Variants in ZNF69 observed in about 807,000 individuals in gnomAD.
ZNF69 encodes ZNF3.
ZNF69 carries 47 observed loss-of-function variants against 50.9 expected under a neutral mutation model. The observed-to-expected ratio is 0.92, with a 90% CI of 0.73 to 1.18. The LOEUF (loss-of-function observed/expected upper bound fraction) is 1.18, where lower values mean the gene tolerates loss of function less well. ZNF69 is among the 50% of genes most tolerant of loss of function. ZNF69 has a pLI of 0.00. For synonymous variants in ZNF69, 216 were observed against 223.1 expected, an observed-to-expected ratio of 0.97 and a Z score of 0.29; for missense variants, 717 against 675.1, an observed-to-expected ratio of 1.06 and a Z score of -0.69.
chr19:11,965,180 A>C, the ZNF69 span: 46 of 1,613,956 alleles, frequency 2.9e-5, no homozygotes, highest in East Asian at 8.2e-4. Context: ...AGCTGTAGAG[A>C]GGACCCCAGG....
At chr19:11,931,147 T>G in the ZNF69 span, among the ~76,000 whole-genome samples, 3 of 148,248 alleles carry the variant, frequency 2.0e-5, no homozygotes, top group Admixed American at 6.6e-5. Context: ...TGCCTCTCTA[T>G]CTTAGTCATC....
At chr19:11,913,280 T>C (rs1972484247) in intron 4 of ZNF69, 2 of 466,110 alleles carry the variant, frequency 4.3e-6, no homozygotes, top group South Asian at 8.5e-5. Context: ...TATTTGGACA[T>C]TGTGAGTCAG....
At chr19:11,944,437 G>A in the ZNF69 span, among the ~76,000 whole-genome samples, 1 of 152,094 alleles carries the variant, frequency 6.6e-6, no homozygotes, top group African/African-American at 2.4e-5. Context: ...TCTGAGGTTG[G>A]TAGGCAGCAT....
At chr19:11,948,215 T>C in the ZNF69 span, 1 of 1,549,562 alleles carries the variant, frequency 6.5e-7, no homozygotes, top group Non-Finnish European at 8.8e-7. Context: ...GCAATACTTG[T>C]TGATTAATAT....
intron 1 of ZNF69, among the ~76,000 whole-genome samples, chr19:11,902,040 G>T (rs1441321709): frequency 2.2e-5 from 3 of 137,280 alleles, no homozygotes; most frequent in African/African-American, 8.3e-5. Flanking sequence ...GAAGTGCAAT[G>T]GTGCAATCTT....
At chr19:11,913,047 A>G (rs1972480262) in intron 4 of ZNF69, among the ~76,000 whole-genome samples, 1 of 152,030 alleles carries the variant, frequency 6.6e-6, no homozygotes. Flanking sequence ...AATACAAAAA[A>G]TTAGCCAGGC....
chr19:11,978,176 T>G, the ZNF69 span: 5 of 1,613,898 alleles, frequency 3.1e-6, no homozygotes, highest in Admixed American at 8.3e-5. Flanking sequence ...GAGAAACTTT[T>G]ACCCAGGTTC....
At chr19:11,889,938 G>A (rs1213034796) in intron 1 of ZNF69, among the ~76,000 whole-genome samples, 1 of 152,314 alleles carries the variant, frequency 6.6e-6, no homozygotes, top group Non-Finnish European at 1.5e-5. Flanking sequence ...GCCTGGATGT[G>A]CAGGTAGGCC....
chr19:11,925,955 G>T, the ZNF69 span, among the ~76,000 whole-genome samples: 1 of 152,184 alleles, frequency 6.6e-6, no homozygotes, highest in Non-Finnish European at 1.5e-5. Flanking sequence ...CCTGAAAGGT[G>T]TAAGTTCCAT....
intron 1 of ZNF69, among the ~76,000 whole-genome samples, chr19:11,901,233 C>T (rs1441415556): frequency 6.6e-6 from 1 of 152,156 alleles, no homozygotes; most frequent in East Asian, 1.9e-4. Context: ...TAGTGCCTCT[C>T]TTGTCATCTT....
the ZNF69 span, chr19:11,976,983 G>A: frequency 3.1e-6 from 5 of 1,609,722 alleles, no homozygotes; most frequent in East Asian, 1.1e-4. Flanking sequence ...TAGAGTCTAG[G>A]CCCCCACTGC....
At chr19:11,978,059 T>C in the ZNF69 span, 26 of 1,574,568 alleles carry the variant, frequency 1.7e-5, no homozygotes, top group Middle Eastern at 5.1e-4. Flanking sequence ...AGTGCAATAC[T>C]TGATTAATAC....
At chr19:11,890,584 T>C (rs1396276356) in intron 1 of ZNF69, among the ~76,000 whole-genome samples, 1 of 152,124 alleles carries the variant, frequency 6.6e-6, no homozygotes, top group African/African-American at 2.4e-5. Flanking sequence ...ACAGTAACAA[T>C]CTGATCTCTC....
chr19:11,920,074 T>C, the ZNF69 span, among the ~76,000 whole-genome samples: 2 of 151,884 alleles, frequency 1.3e-5, no homozygotes, highest in Admixed American at 6.6e-5. Flanking sequence ...TGATAGCCCA[T>C]AACGACTTGG....
At chr19:11,899,387 C>G (rs1287621464) in intron 1 of ZNF69, among the ~76,000 whole-genome samples, 1 of 152,094 alleles carries the variant, frequency 6.6e-6, no homozygotes, top group Admixed American at 6.6e-5. Context: ...CCTGAGCTTC[C>G]CAAATGCCTG....
At chr19:11,972,919 C>T in the ZNF69 span, among the ~76,000 whole-genome samples, 4 of 148,564 alleles carry the variant, frequency 2.7e-5, no homozygotes, top group South Asian at 8.4e-4. Flanking sequence ...TAACAAGACC[C>T]TGTTTCAAAA....
At chr19:11,969,297 G>A in the ZNF69 span, among the ~76,000 whole-genome samples, 131 of 152,256 alleles carry the variant, frequency 8.6e-4, no homozygotes, top group African/African-American at 2.9e-3. Context: ...TAAAGACAGC[G>A]TTTTATCACG....
chr19:11,932,562 C>A, the ZNF69 span, among the ~76,000 whole-genome samples: 1 of 147,376 alleles, frequency 6.8e-6, no homozygotes, highest in Non-Finnish European at 1.5e-5. Context: ...TTTCTTTATA[C>A]TTCCCCAACC....
chr19:11,917,780 C>T (rs943896549), downstream of ZNF69, among the ~76,000 whole-genome samples: 3 of 148,852 alleles, frequency 2.0e-5, no homozygotes, highest in Admixed American at 6.8e-5. Flanking sequence ...CACAAGCCAC[C>T]ACACCCTGCT....
Sources: gnomAD v4.1 joint callset for allele counts (sites outside exome capture counted in the v4.1 genomes callset) on GRCh38, gnomAD v4.1.1 for gene constraint, MANE v1.5 for transcripts, NCBI Gene and HGNC (gene_info 2026-07-23, HGNC 2026-07-21) for gene names.